The following DLG2 variants were observed in gnomAD, a reference collection of about 807,000 sequenced individuals.
DLG2 encodes the protein disks large homolog 2.
DLG2 carries 45 observed loss-of-function variants against 132.5 expected under a neutral mutation model. The observed-to-expected ratio is 0.34, with a 90% CI of 0.27 to 0.44. The LOEUF is 0.44. DLG2 is among the 20% of genes least tolerant of loss of function. The pLI is 1.00. For synonymous variants in DLG2, 424 were observed against 419.6 expected, an observed-to-expected ratio of 1.01 and a Z score of -0.13; for missense variants, 1,045 against 1,196.9, an observed-to-expected ratio of 0.87 and a Z score of 1.87.
intron 8 of DLG2, among the ~76,000 whole-genome samples, chr11:84,187,359 G>C (rs779860841): frequency 6.6e-6 from 1 of 152,018 alleles, no homozygotes; most frequent in Non-Finnish European, 1.5e-5. Context: ...AGTTGTAAAG[G>C]CTCTTGAAGG....
chr11:83,983,471 T>C (rs750904183), intron 11 of DLG2, among the ~76,000 whole-genome samples: 13 of 152,178 alleles, frequency 8.5e-5, no homozygotes, highest in Non-Finnish European at 1.8e-4. Context: ...TATACTTTTA[T>C]TGAATAAATA....
chr11:85,611,741 A>C (rs2081014166), intron 2 of DLG2, among the ~76,000 whole-genome samples: 1 of 152,266 alleles, frequency 6.6e-6, no homozygotes. Flanking sequence ...TATGGAAAGA[A>C]AGGGAGTTCC....
intron 4 of DLG2, among the ~76,000 whole-genome samples, chr11:85,203,096 G>A (rs2081590374): frequency 6.6e-6 from 1 of 150,904 alleles, no homozygotes; most frequent in African/African-American, 2.4e-5. Flanking sequence ...AGGTTTTGGT[G>A]TGGTGTTTTC....
intron 7 of DLG2, among the ~76,000 whole-genome samples, chr11:84,277,132 T>C (rs964091361): frequency 2.0e-5 from 3 of 152,202 alleles, no homozygotes; most frequent in Admixed American, 6.5e-5. Flanking sequence ...TCCACAATTA[T>C]AATTGAAGAT....
intron 3 of DLG2, among the ~76,000 whole-genome samples, chr11:85,286,848 T>C (rs2078589053): frequency 6.6e-6 from 1 of 152,050 alleles, no homozygotes; most frequent in South Asian, 2.1e-4. Context: ...GCAGGAGACA[T>C]AAGATGAGCA....
At chr11:84,025,313 C>G (rs1288435559) in intron 11 of DLG2, among the ~76,000 whole-genome samples, 1 of 152,042 alleles carries the variant, frequency 6.6e-6, no homozygotes, top group African/African-American at 2.4e-5. Context: ...GAAACTCCCC[C>G]TTGTAAAACT....
At chr11:85,106,038 A>T (rs560371346) in intron 6 of DLG2, among the ~76,000 whole-genome samples, 1 of 151,914 alleles carries the variant, frequency 6.6e-6, no homozygotes, top group African/African-American at 2.4e-5. Context: ...TAGCTTATGC[A>T]CACTGTATTA....
intron 6 of DLG2, among the ~76,000 whole-genome samples, chr11:85,029,756 G>A (rs1301656580): frequency 6.6e-6 from 1 of 152,116 alleles, no homozygotes; most frequent in Non-Finnish European, 1.5e-5. Context: ...CTGAGTTTTG[G>A]CCAATTAAAT....
chr11:84,892,261 C>T (rs17147746), intron 6 of DLG2, among the ~76,000 whole-genome samples: 14,700 of 152,158 alleles, frequency 0.097, 938 homozygotes, highest in African/African-American at 0.18. Context: ...TTGGGATGTG[C>T]AGGATGGCAT....
chr11:85,067,330 G>A (rs1417661958), intron 6 of DLG2, among the ~76,000 whole-genome samples: 3 of 151,676 alleles, frequency 2.0e-5, no homozygotes, highest in Admixed American at 1.3e-4. Context: ...AGGGTTTTTT[G>A]TGTCTCTATC....
At chr11:84,119,712 C>A (rs997359261) in intron 9 of DLG2, among the ~76,000 whole-genome samples, 1 of 152,112 alleles carries the variant, frequency 6.6e-6, no homozygotes, top group African/African-American at 2.4e-5. Context: ...GAACAAACCT[C>A]TAAGAATTTC....
At chr11:84,782,691 T>C (rs1408275768) in intron 6 of DLG2, among the ~76,000 whole-genome samples, 1 of 152,154 alleles carries the variant, frequency 6.6e-6, no homozygotes, top group East Asian at 1.9e-4. Context: ...GTTTGTGAAA[T>C]ATCTATTACA....
chr11:84,196,909 C>T (rs180878554), intron 8 of DLG2, among the ~76,000 whole-genome samples: 5 of 151,718 alleles, frequency 3.3e-5, no homozygotes, highest in East Asian at 1.9e-4. Flanking sequence ...TGGTGGCCCA[C>T]GCCTGTAATC....
chr11:84,449,508 G>C (rs751210796), intron 7 of DLG2, among the ~76,000 whole-genome samples: 1 of 151,138 alleles, frequency 6.6e-6, no homozygotes, highest in African/African-American at 2.4e-5. Context: ...ATAGAAAAGG[G>C]GAGACTGAAT....
intron 7 of DLG2, among the ~76,000 whole-genome samples, chr11:84,406,943 C>A (rs1855833666): frequency 6.6e-6 from 1 of 152,132 alleles, no homozygotes; most frequent in Admixed American, 6.5e-5. Context: ...CAAAGATGGG[C>A]AGCTCACAGA....
At chr11:84,541,660 G>T (rs1008210561) in intron 6 of DLG2, among the ~76,000 whole-genome samples, 1 of 151,996 alleles carries the variant, frequency 6.6e-6, no homozygotes, top group African/African-American at 2.4e-5. Context: ...ATGCCCAACC[G>T]ACAAATGACA....
At chr11:84,895,795 A>G (rs973800366) in intron 6 of DLG2, among the ~76,000 whole-genome samples, 1 of 152,114 alleles carries the variant, frequency 6.6e-6, no homozygotes, top group African/African-American at 2.4e-5. Context: ...TCAAGTTAAG[A>G]GCAGAGGTAT....
At chr11:84,218,704 G>A (rs1030954246) in intron 8 of DLG2, among the ~76,000 whole-genome samples, 2 of 152,102 alleles carry the variant, frequency 1.3e-5, no homozygotes, top group African/African-American at 4.8e-5. Context: ...TTAGACCAGC[G>A]ATTTTCTACT....
At chr11:84,307,735 G>A (rs1007448135) in intron 7 of DLG2, among the ~76,000 whole-genome samples, 17 of 142,426 alleles carry the variant, frequency 1.2e-4, no homozygotes, top group Non-Finnish European at 1.9e-4. Context: ...GGACCCTCGC[G>A]GTGAGTGTTA....
Sources: gnomAD v4.1 joint callset for allele counts (sites outside exome capture counted in the v4.1 genomes callset) on GRCh38, gnomAD v4.1.1 for gene constraint, MANE v1.5 for transcripts, NCBI Gene and HGNC (gene_info 2026-07-23, HGNC 2026-07-21) for gene names.